ECE2: variants seen among roughly 807,000 people sequenced by gnomAD.
The protein encoded by ECE2 is endothelin converting enzyme 2, also known as endothelin-converting enzyme 2.
Under a neutral mutation model 100.6 loss-of-function variants are expected in ECE2, and 81 were observed. The observed-to-expected ratio is 0.81, with a 90% CI of 0.67 to 0.97. ECE2 has a LOEUF of 0.97. Ranked by LOEUF, ECE2 falls within the 50% of genes least tolerant of loss-of-function variation. The pLI is 0.00. For synonymous variants in ECE2, 391 were observed against 391.5 expected (o/e 1.00, Z 0.02); for missense variants, 911 against 988.1 (o/e 0.92, Z 1.05).
At chr3:184,278,140 A>G in intron 5 of ECE2, 27 bp from the exon 6 acceptor site, 8 of 1,613,852 alleles carry the variant, frequency 5.0e-6, no homozygotes, top group Non-Finnish European at 6.8e-6. Flanking sequence ...TCCTGCACTA[A>G]TCATTCCACT....
In ECE2 at chr3:184,276,142, C is replaced by A; in HGVS notation, c.-12C>A. 3.6e-6 allele frequency: 5 copies of A among 1,397,090 alleles called. No individual in the cohort carries two copies. Among genetic ancestry groups the A allele is most frequent in the Non-Finnish European group, 4.6e-6 (5 of 1,080,352 alleles). The allele number at this position is 1,397,090 out of a possible 1,614,324, so 86.5% of individuals were successfully genotyped here. On this transcript the variant is annotated 5_prime_UTR_variant, in exon 1 of 19. Coordinates refer to ENST00000404464, the MANE Select transcript of ECE2 (RefSeq NM_001100121.2). ...CCGGGAGCCCTGAATCACCGCCTGG[C>A]CCGACTCCACCATGAACGTCGCGCT...
chr3:184,276,301 C>A, intron 1 of ECE2, 109 bp downstream of exon 1: 1 of 1,389,572 alleles, frequency 7.2e-7, no homozygotes, highest in Non-Finnish European at 9.5e-7. Context: ...GGTAAGGCTG[C>A]CTCCCGGGCC....
chr3:184,282,013 C>T (rs6802087), intron 7 of ECE2, among the ~76,000 whole-genome samples: 78,997 of 152,026 alleles, frequency 0.52, 20,815 homozygotes, highest in Middle Eastern at 0.61. Context: ...GCAGGAGAAT[C>T]GCTTGAACCC....
intron 7 of ECE2, among the ~76,000 whole-genome samples, chr3:184,281,141 C>G (rs1225950052): frequency 6.6e-6 from 1 of 152,142 alleles, no homozygotes; most frequent in African/African-American, 2.4e-5. Flanking sequence ...AACCATTTGT[C>G]CTTCTGTCAT....
At position 184,290,288 on chromosome 3, in the gene ECE2, A is replaced by G. The variant is rs760278545; in HGVS notation, c.1585A>G (p.Met529Val). The G allele has an allele frequency of 1.2e-6, 2 of 1,614,036 alleles. No individual in the cohort carries two copies. The highest frequency in any genetic ancestry group is 1.7e-6 in the Non-Finnish European group (2 of 1,179,980). Residue 529 changes from methionine to valine, a missense_variant, in exon 14 of 19, where the codon ATG (methionine) becomes GTG (valine). Transcript: ENST00000404464. ...TTCTGAAGATTCTTTCTTCCAAAAC[A>G]TGTTGAATTTGTACAACTTCTCTGC... ...EISEDSFFQN[M>V]LNLYNFSAKV...
At chr3:184,284,933 C>A (rs752096843) in intron 8 of ECE2, 30 bp from the exon 9 acceptor site, 13 of 1,605,578 alleles carry the variant, frequency 8.1e-6, no homozygotes, top group Non-Finnish European at 1.1e-5. Flanking sequence ...GCGAGTCGGG[C>A]AGGCAAGGCC....
chr3:184,285,107 T>A lies in ECE2; in HGVS notation c.1148+2T>A. The A allele has an allele frequency of 6.2e-7, 1 of 1,613,016 alleles. No individual in the cohort carries two copies. The highest frequency in any genetic ancestry group is 8.5e-7 in the Non-Finnish European group (1 of 1,179,496). On this transcript the variant is annotated splice_donor_variant, in intron 9 of 18. Transcript: ENST00000404464. LOFTEE classifies it high-confidence loss of function. ...GCTCATCAACCGCACGGAACCAAGG[T>A]GTGGGGGTAGCCCAGGGTGAGGGTG... is the stretch of plus-strand genomic sequence containing the variant.
At chr3:184,286,110 G>A (rs966611220) in intron 10 of ECE2, among the ~76,000 whole-genome samples, 4 of 152,236 alleles carry the variant, frequency 2.6e-5, no homozygotes, top group Admixed American at 2.0e-4. Flanking sequence ...GGTGGGGAAG[G>A]GCATCAGAGA....
Position 184,287,860 on chromosome 3 carries a change from C to G in ECE2, c.1287C>G (p.Thr429=). Reference sequence around the variant, plus strand: ...AGTCCTGTGTGCCGAGGTGGCAGACCTGCATCTCCAACACGGATGACGCCC... The same window carrying G: ...AGTCCTGTGTGCCGAGGTGGCAGACGTGCATCTCCAACACGGATGACGCCC... The part of the protein sequence containing the change: ...TKKSCVPRWQ[T]CISNTDDALG... The change falls in exon 11 of 19, where the codon ACC becomes ACG. Residue 429 remains threonine, a synonymous_variant. Transcript: ENST00000404464. 3.1e-6 allele frequency: 5 copies of G among 1,614,154 alleles called. No homozygotes were observed. The highest frequency in any genetic ancestry group is 4.2e-6 in the Non-Finnish European group (5 of 1,180,004).
intron 3 of ECE2, 28 bp from the exon 4 acceptor site, chr3:184,277,223 T>C: frequency 6.2e-7 from 1 of 1,613,304 alleles, no homozygotes; most frequent in Non-Finnish European, 8.5e-7. Context: ...GACAGTCTCC[T>C]ACCCTCCGGC....
intron 15 of ECE2, 39 bp from the exon 16 acceptor site, chr3:184,290,752 TAC>T (rs1159659953): frequency 6.2e-7 from 1 of 1,612,850 alleles, no homozygotes; most frequent in Non-Finnish European, 8.5e-7. Context: ...GATTCAGAAG[TAC>T]CCCCGCCATG....
rs759796355 is a variant in ECE2, at chr3:184,292,225, G to T, written c.2285G>T (p.Cys762Phe). Residue 762 changes from cysteine to phenylalanine, a missense_variant, in exon 19 of 19, where the codon TGT becomes TTT. Physicochemically the swap from Cys to Phe is radical, Grantham distance 205 (BLOSUM62 -2). Transcript: ENST00000404464. ...TCCCCCATGAACCCAGGGCAGCTGT[G>T]TGAGGTGTGGTAGACCTGGATCAGG... Reference protein sequence around the residue: ...VGSPMNPGQLCEVW With the variant: ...VGSPMNPGQLFEVW The T allele has an allele frequency of 1.2e-6, 2 of 1,614,052 alleles. No individual in the cohort carries two copies. The highest frequency in any genetic ancestry group is 3.3e-5 in the Admixed American group (2 of 60,024).
intron 11 of ECE2, 134 bp downstream of exon 11, chr3:184,288,081 C>A: frequency 1.4e-6 from 1 of 711,132 alleles, no homozygotes; most frequent in Non-Finnish European, 2.3e-6. Flanking sequence ...GAGGCCAAGG[C>A]GGGTGAATCA....
At chr3:184,276,248 G>C (rs1720541440) in intron 1 of ECE2, 56 bp downstream of exon 1, 6 of 1,440,184 alleles carry the variant, frequency 4.2e-6, no homozygotes, top group Middle Eastern at 2.5e-4. Flanking sequence ...GGACGAGGCA[G>C]AGGGGTCGGC....
intron 10 of ECE2, among the ~76,000 whole-genome samples, chr3:184,285,805 T>A (rs1250874258): frequency 6.6e-6 from 1 of 152,178 alleles, no homozygotes; most frequent in Admixed American, 6.5e-5. Context: ...GACTCTCCAT[T>A]TCCTGCTCTG....
chr3:184,278,218 G>T lies in ECE2; in HGVS notation c.655G>T (p.Val219Leu). The change falls in exon 6 of 19, where the codon GTG becomes TTG. Residue 219 changes from valine (V) to leucine (L), a missense_variant. By Grantham distance (32) the Val-to-Leu change is conservative (BLOSUM62 1). Coordinates refer to ENST00000404464, the MANE Select transcript of ECE2 (RefSeq NM_001100121.2). ...GPWDQDNFME[V>L]LKAVAGTYRA... Reference sequence around the variant, plus strand: ...CTGGGACCAGGACAACTTTATGGAGGTGTTGAAGGCAGTAGCAGGGACCTA... The same window carrying T: ...CTGGGACCAGGACAACTTTATGGAGTTGTTGAAGGCAGTAGCAGGGACCTA... The T allele has an allele frequency of 1.2e-6, 2 of 1,614,168 alleles. No homozygotes were observed. The highest frequency in any genetic ancestry group is 1.7e-6 in the Non-Finnish European group (2 of 1,180,024).
At chr3:184,279,321 A>G (rs1196986155) in intron 7 of ECE2, among the ~76,000 whole-genome samples, 1 of 150,290 alleles carries the variant, frequency 6.7e-6, no homozygotes, top group African/African-American at 2.4e-5. Context: ...AAAAAAAAAA[A>G]AAAAAAAGAA....
intron 10 of ECE2, 29 bp from the exon 11 acceptor site, chr3:184,287,808 T>C: frequency 6.3e-7 from 1 of 1,591,490 alleles, no homozygotes; most frequent in Non-Finnish European, 8.6e-7. Context: ...CAGCCATCTC[T>C]AGGGTCCTGG....
chr3:184,278,586 C>CTACCCCTGGCTGAGCTGGGCT (rs1402736610), intron 7 of ECE2, 29 bp downstream of exon 7: 1 of 1,612,704 alleles, frequency 6.2e-7, no homozygotes, highest in South Asian at 1.1e-5. Context: ...ACCCCCATCC[C>CTACCCCTGGCTGAGCTGGGCT]TACCCCTGGC....
Sources: gnomAD v4.1 joint callset for allele counts (sites outside exome capture counted in the v4.1 genomes callset) on GRCh38, gnomAD v4.1.1 for gene constraint, MANE v1.5 for transcripts, NCBI Gene and HGNC (gene_info 2026-07-23, HGNC 2026-07-21) for gene names.